UBXN7: variants seen among roughly 807,000 people sequenced by gnomAD.
UBXN7 encodes UBX domain protein 7.
In UBXN7, 9 loss-of-function variants were observed where a neutral mutation model predicts 58.0. That is an observed-to-expected ratio of 0.16 (90% CI 0.09 to 0.27). UBXN7 has a LOEUF of 0.27. UBXN7 is among the 10% of genes least tolerant of loss of function. The pLI is 1.00. For missense variants in UBXN7, 328 were observed against 599.6 expected (o/e 0.55, Z 4.73); for synonymous variants, 208 against 205.0 (o/e 1.01, Z -0.12).
At chr3:196,370,153 T>C (rs1363065921) in intron 6 of UBXN7, among the ~76,000 whole-genome samples, 2 of 148,718 alleles carry the variant, frequency 1.3e-5, no homozygotes, top group African/African-American at 4.9e-5. Context: ...AAAAAAAGAT[T>C]ATGGCTCCAC....
Position 196,355,094 on chromosome 3 carries a change from C to G in UBXN7, c.*1591G>C, listed in dbSNP as rs1577427334. On this transcript the variant is annotated 3_prime_UTR_variant, in exon 11 of 11. Coordinates refer to ENST00000296328, the MANE Select transcript of UBXN7 (RefSeq NM_015562.2). ...TCTTTTTTTCTTCTTTTCCCAAATC[C>G]CCTAATTGCCAAGAGAGCAATCTTA... 1 of 151,930 alleles carries G rather than the reference C, an allele frequency of 6.6e-6. No individual in the cohort carries two copies. Among genetic ancestry groups the G allele is most frequent in the East Asian group, 1.9e-4 (1 of 5,192 alleles). 9.4% of individuals were successfully genotyped at this position (151,930 alleles called of 1,614,324 possible). A position where few individuals can be genotyped will look rare whatever the true frequency, so the allele number is the denominator to read the frequency against.
At position 196,403,035 on chromosome 3, in the gene UBXN7, G is replaced by T. The variant is rs756059601; in HGVS notation, c.222-16C>A. 6.3e-7 allele frequency: 1 copy of T among 1,578,012 alleles called. No individual in the cohort carries two copies. ...AACTTCTTCTCTATTAAAAAAAAAT[G>T]GGAAAATAAAAAATGAAAACTGTTT... On this transcript the variant is annotated splice_polypyrimidine_tract_variant and intron_variant, in intron 2 of 10. Coordinates refer to ENST00000296328, the MANE Select transcript of UBXN7 (RefSeq NM_015562.2).
At chr3:196,385,140 T>C (rs998322344) in intron 5 of UBXN7, among the ~76,000 whole-genome samples, 5 of 152,180 alleles carry the variant, frequency 3.3e-5, no homozygotes, top group East Asian at 1.9e-4. Context: ...GTGCCTGGGA[T>C]TGCAGGCGCG....
At chr3:196,431,850 AGAAAGGGGAAGGGCAGGCCGGGGACCG>A (rs1409770606) in intron 1 of UBXN7, 1 of 381,608 alleles carries the variant, frequency 2.6e-6, no homozygotes, top group Non-Finnish European at 5.3e-6. Context: ...CGAGGGGCCC[AGAAAGGGGAAGGGCAGGCCGGGGACCG>A]GGGCAGAATG....
intron 6 of UBXN7, among the ~76,000 whole-genome samples, chr3:196,370,224 G>C (rs551959390): frequency 3.7e-4 from 56 of 151,824 alleles, no homozygotes; most frequent in African/African-American, 1.4e-3. Flanking sequence ...ACAGCTTGAG[G>C]CCAGGAGTTT....
chr3:196,413,204 G>C (rs950430100), intron 1 of UBXN7, among the ~76,000 whole-genome samples: 1 of 152,076 alleles, frequency 6.6e-6, no homozygotes, highest in Non-Finnish European at 1.5e-5. Flanking sequence ...CAGGTGTGGT[G>C]GTGGGCACCC....
intron 3 of UBXN7, among the ~76,000 whole-genome samples, chr3:196,402,548 AC>A (rs1408951676): frequency 6.6e-6 from 1 of 152,204 alleles, no homozygotes; most frequent in Non-Finnish European, 1.5e-5. Flanking sequence ...ACAATTTTTC[AC>A]ATGAATGAGG....
intron 2 of UBXN7, among the ~76,000 whole-genome samples, chr3:196,404,093 A>G (rs1273013545): frequency 7.2e-6 from 1 of 138,350 alleles, no homozygotes; most frequent in Non-Finnish European, 1.6e-5. Context: ...AAAAAAAAAA[A>G]GAAAAAGAAA....
chr3:196,432,024 G>C lies in UBXN7; in HGVS notation c.73+303C>G, dbSNP rs889261222. 153 of 541,016 alleles carry C rather than the reference G, an allele frequency of 2.8e-4. 2 individuals carry two copies. Among genetic ancestry groups the C allele is most frequent in the South Asian group, 3.4e-4 (17 of 50,724 alleles). 33.5% of individuals were successfully genotyped at this position (541,016 alleles called of 1,614,324 possible). A position where few individuals can be genotyped will look rare whatever the true frequency, so the allele number is the denominator to read the frequency against. On this transcript the variant is annotated intron_variant, in intron 1 of 10. Coordinates refer to ENST00000296328, the MANE Select transcript of UBXN7 (RefSeq NM_015562.2). ...CGGCCCCCTACTCCTCCCGCCCCCG[G>C]GTCCCCGGGCCGGCGGGGGCGGACG...
chr3:196,398,616 T>C (rs2108849678), intron 3 of UBXN7, among the ~76,000 whole-genome samples: 1 of 152,316 alleles, frequency 6.6e-6, no homozygotes, highest in East Asian at 1.9e-4. Flanking sequence ...AAAATCCTGT[T>C]TTTTGCCTGA....
chr3:196,396,117 C>T (rs1280995411), intron 3 of UBXN7, among the ~76,000 whole-genome samples: 1 of 150,308 alleles, frequency 6.7e-6, no homozygotes, highest in Non-Finnish European at 1.5e-5. Flanking sequence ...CTCTACCTTC[C>T]TCCCTCCCTC....
intron 3 of UBXN7, among the ~76,000 whole-genome samples, chr3:196,398,517 T>C (rs1291991886): frequency 6.6e-6 from 1 of 152,204 alleles, no homozygotes; most frequent in Non-Finnish European, 1.5e-5. Context: ...TTAAAAATCA[T>C]CTGTTTCATG....
chr3:196,380,692 G>A (rs1312283960), intron 5 of UBXN7, among the ~76,000 whole-genome samples: 1 of 152,264 alleles, frequency 6.6e-6, no homozygotes, highest in Admixed American at 6.5e-5. Context: ...CACCTGGGAA[G>A]TGCAAGGGGT....
chr3:196,368,884 G>A (rs141186476), intron 7 of UBXN7, among the ~76,000 whole-genome samples: 65 of 152,082 alleles, frequency 4.3e-4, no homozygotes, highest in African/African-American at 1.3e-3. Flanking sequence ...GTGCAGTGGC[G>A]CGATCTCGGC....
Position 196,401,358 on chromosome 3 carries a change from TA to T in UBXN7, c.289+1593del, listed in dbSNP as rs1022329230. On this transcript the variant is annotated intron_variant, in intron 3 of 10. Transcript: ENST00000296328. The stretch of plus-strand genomic sequence containing the variant: ...ACACATATATACAAAAAATAAAAAT[TA>T]AAAAAATAAATAAAAAGGTTTATCT... 3.1e-3 allele frequency among the ~76,000 whole-genome samples: 403 copies of T among 129,342 alleles called. 2 individuals are homozygous for T. The highest frequency in any genetic ancestry group is 0.01 in the African/African-American group (355 of 34,694). 84.9% of individuals were successfully genotyped at this position (129,342 alleles called of 152,430 possible). A position where few individuals can be genotyped will look rare whatever the true frequency, so the allele number is the denominator to read the frequency against.
rs113331730 is a variant in UBXN7, at chr3:196,361,026, A to C, written c.1308+818T>G. On this transcript the variant is annotated intron_variant, in intron 10 of 10. Transcript: ENST00000296328. ...TGAATCTGGGCAAAGTAAACTGAAA[A>C]TCTTCTGGAAAGGATTCAGCAGTCT... Among the ~76,000 whole-genome samples the C allele has an allele frequency of 2.1e-3, 323 of 152,268 alleles. 4 individuals are homozygous for C. Among genetic ancestry groups the C allele is most frequent in the African/African-American group, 6.9e-3 (287 of 41,530 alleles).
At chr3:196,378,882 T>C in intron 5 of UBXN7, among the ~76,000 whole-genome samples, 1 of 143,350 alleles carries the variant, frequency 7.0e-6, no homozygotes, top group African/African-American at 2.6e-5. Flanking sequence ...TCTTTCCATG[T>C]TGGTTTTGGG....
intron 1 of UBXN7, among the ~76,000 whole-genome samples, chr3:196,411,790 A>G (rs1294702731): frequency 6.6e-6 from 1 of 152,240 alleles, no homozygotes; most frequent in Non-Finnish European, 1.5e-5. Flanking sequence ...AGCCTGGGGC[A>G]CAAGAGTGAG....
rs1160910899 is a variant in UBXN7, at chr3:196,403,008, C to G, written c.233G>C (p.Arg78Pro). 1 of 1,590,114 alleles carries G rather than the reference C, an allele frequency of 6.3e-7. No homozygotes were observed. Among genetic ancestry groups the G allele is most frequent in the Non-Finnish European group, 8.5e-7 (1 of 1,174,658 alleles). The change falls in exon 3 of 11, where the codon CGT (arginine) becomes CCT (proline). Residue 78 changes from arginine to proline, a missense_variant. By Grantham distance (103) the Arg-to-Pro change is moderately radical. Transcript: ENST00000296328. ...TVRPHTEEEV[R>P]APIPQKQEIL... is the part of the protein sequence containing the mutation. Reference sequence around the variant, plus strand: ...TTCCTGCTTTTGAGGAATTGGGGCACGAACTTCTTCTCTATTAAAAAAAAA... The same window carrying G: ...TTCCTGCTTTTGAGGAATTGGGGCAGGAACTTCTTCTCTATTAAAAAAAAA...
Sources: gnomAD v4.1 joint callset for allele counts (sites outside exome capture counted in the v4.1 genomes callset) on GRCh38, gnomAD v4.1.1 for gene constraint, MANE v1.5 for transcripts, NCBI Gene and HGNC (gene_info 2026-07-23, HGNC 2026-07-21) for gene names.